The following USO1 variants were observed in gnomAD, a reference collection of about 807,000 sequenced individuals.
USO1 encodes the protein general vesicular transport factor p115.
USO1 carries 57 observed loss-of-function variants against 124.5 expected under a neutral mutation model. The observed-to-expected ratio is 0.46, with a 90% CI of 0.37 to 0.57. The LOEUF (loss-of-function observed/expected upper bound fraction) is 0.57. Among genes scored for constraint, USO1 ranks in the 20% least tolerant of loss-of-function variants. The pLI is 0.00. For missense variants in USO1, 900 were observed against 1,040.6 expected, an observed-to-expected ratio of 0.86 and a Z score of 1.86; for synonymous variants, 369 against 362.8, an observed-to-expected ratio of 1.02 and a Z score of -0.19.
chr4:75,744,892 G>A (rs1413644471), intron 1 of USO1: 6 of 505,994 alleles, frequency 1.2e-5, no homozygotes, highest in African/African-American at 7.8e-5. Flanking sequence ...TACTTGTGAT[G>A]GTACATGTGC....
At chr4:75,758,311 TAGATTTTTCATTATTCTGTAA>T (rs1363801735) in intron 4 of USO1, among the ~76,000 whole-genome samples, 1 of 152,228 alleles carries the variant, frequency 6.6e-6, no homozygotes, top group Non-Finnish European at 1.5e-5. Flanking sequence ...TAGGACGTAG[TAGATTTTTCATTATTCTGTAA>T]AGTCAGAACA....
intron 13 of USO1, chr4:75,795,241 G>A (rs1435180633): frequency 1.5e-6 from 1 of 687,716 alleles, no homozygotes; most frequent in African/African-American, 1.8e-5. Context: ...TGAGTTTGTA[G>A]AGAGACTATG....
intron 22 of USO1, among the ~76,000 whole-genome samples, chr4:75,811,139 TTTTC>T (rs973543955): frequency 1.1e-4 from 17 of 152,052 alleles, no homozygotes; most frequent in African/African-American, 3.1e-4. Context: ...AATATTTTTG[TTTTC>T]TTTCTTTCTT....
At chr4:75,776,621 G>A (rs2149171695) in intron 8 of USO1, among the ~76,000 whole-genome samples, 1 of 152,280 alleles carries the variant, frequency 6.6e-6, no homozygotes, top group African/African-American at 2.4e-5. Context: ...GTTCACTAAG[G>A]TGCATGCTGG....
intron 3 of USO1, among the ~76,000 whole-genome samples, chr4:75,755,898 C>T (rs924804700): frequency 2.0e-5 from 3 of 152,144 alleles, no homozygotes; most frequent in Non-Finnish European, 4.4e-5. Flanking sequence ...AGGCTGGGCA[C>T]GGTGGCTCAT....
chr4:75,734,888 C>G (rs1318090899), intron 1 of USO1, among the ~76,000 whole-genome samples: 1 of 151,726 alleles, frequency 6.6e-6, no homozygotes, highest in East Asian at 1.9e-4. Flanking sequence ...ACCACCACAC[C>G]CAGCCAATTT....
chr4:75,777,152 C>G (rs1246863255), intron 8 of USO1, among the ~76,000 whole-genome samples: 1 of 152,044 alleles, frequency 6.6e-6, no homozygotes, highest in Non-Finnish European at 1.5e-5. Flanking sequence ...TTAGTGACGT[C>G]CTTTCATTGA....
At chr4:75,760,866 G>T (rs937825652) in intron 4 of USO1, among the ~76,000 whole-genome samples, 3 of 152,082 alleles carry the variant, frequency 2.0e-5, no homozygotes, top group Non-Finnish European at 4.4e-5. Context: ...GGTTTTTCTG[G>T]CCAGGCGTGG....
chr4:75,811,904 A>G (rs547338254), intron 22 of USO1, among the ~76,000 whole-genome samples: 1 of 152,216 alleles, frequency 6.6e-6, no homozygotes, highest in South Asian at 2.1e-4. Context: ...AGTCTCTTAA[A>G]GGTTTTTTCA....
At chr4:75,729,348 AG>A (rs1395691846) in intron 1 of USO1, among the ~76,000 whole-genome samples, 2 of 149,720 alleles carry the variant, frequency 1.3e-5, no homozygotes, top group Non-Finnish European at 1.5e-5. Flanking sequence ...TTTTTTGGGT[AG>A]GGGGGTGGGG....
intron 17 of USO1, among the ~76,000 whole-genome samples, chr4:75,801,710 T>TTA (rs1722855677): frequency 6.6e-6 from 1 of 152,250 alleles, no homozygotes; most frequent in Non-Finnish European, 1.5e-5. Context: ...ACCTGTCTAC[T>TTA]AATTGTGCAC....
chr4:75,775,857 G>A (rs924207525), intron 8 of USO1, among the ~76,000 whole-genome samples: 4 of 152,140 alleles, frequency 2.6e-5, no homozygotes, highest in African/African-American at 9.7e-5. Flanking sequence ...CATTTGGTTG[G>A]TGGGCCAAGA....
rs1722819305 is a variant in USO1, at chr4:75,800,627, A to G, written c.1692A>G (p.Leu564=). The G allele has an allele frequency of 6.4e-7, 1 of 1,562,488 alleles. No individual in the cohort carries two copies. Among genetic ancestry groups the G allele is most frequent in the Admixed American group, 2.1e-5 (1 of 47,784 alleles). ...ATGCTTATCTCCGTAGAGAGAAGCTAAAACAACTGATTGAGAAGAGGATTG... is the reference window on the plus strand; with the variant it reads ...ATGCTTATCTCCGTAGAGAGAAGCTGAAACAACTGATTGAGAAGAGGATTG... ...NSLESYMKEK[L]KQLIEKRIGK... is the part of the protein sequence containing the mutation. Residue 564 remains leucine (L), a synonymous_variant, in exon 16 of 24, where the codon CTA becomes CTG. Transcript: ENST00000514213.
At position 75,812,375 on chromosome 4, in the gene USO1, A is replaced by G. The variant is rs1449841387; in HGVS notation, c.2799A>G (p.Pro933=). The change falls in exon 23 of 24, where the codon CCA becomes CCG. Residue 933 remains proline (P), a splice_region_variant and synonymous_variant. Transcript: ENST00000514213. The part of the protein sequence containing the change: ...LKNKLKDLGH[P]VEEEDELESG... ...ATAAACTCAAGGATCTTGGTCATCCAGTAAGATTAAAATGTCTCCAAAAAT... is the reference window on the plus strand; with the variant it reads ...ATAAACTCAAGGATCTTGGTCATCCGGTAAGATTAAAATGTCTCCAAAAAT... 6.4e-7 allele frequency: 1 copy of G among 1,573,698 alleles called. No homozygotes were observed. The highest frequency in any genetic ancestry group is 8.6e-7 in the Non-Finnish European group (1 of 1,160,344).
intron 1 of USO1, among the ~76,000 whole-genome samples, chr4:75,742,217 A>C (rs1441608946): frequency 6.6e-6 from 1 of 152,228 alleles, no homozygotes; most frequent in East Asian, 1.9e-4. Context: ...AGTATTATGT[A>C]CTGTACACAA....
chr4:75,747,014 G>T (rs1456379473), intron 1 of USO1, among the ~76,000 whole-genome samples: 1 of 152,142 alleles, frequency 6.6e-6, no homozygotes, highest in Non-Finnish European at 1.5e-5. Context: ...ATTCATAGGT[G>T]CCAGGTATTA....
chr4:75,761,373 G>C (rs959512057), intron 4 of USO1, among the ~76,000 whole-genome samples: 3 of 152,104 alleles, frequency 2.0e-5, no homozygotes, highest in African/African-American at 7.2e-5. Context: ...GATTGCACCT[G>C]TGAATACCCA....
At chr4:75,810,220 C>T (rs1250275427) in intron 21 of USO1, among the ~76,000 whole-genome samples, 4 of 152,214 alleles carry the variant, frequency 2.6e-5, no homozygotes, top group Non-Finnish European at 5.9e-5. Context: ...GCCCAGCCTT[C>T]CTCGTACTCT....
chr4:75,782,097 C>T (rs1018318081), intron 8 of USO1, among the ~76,000 whole-genome samples: 14 of 152,052 alleles, frequency 9.2e-5, no homozygotes, highest in Non-Finnish European at 1.8e-4. Context: ...ATCAAGAGAG[C>T]ATAATGTTTT....
Sources: gnomAD v4.1 joint callset for allele counts (sites outside exome capture counted in the v4.1 genomes callset) on GRCh38, gnomAD v4.1.1 for gene constraint, MANE v1.5 for transcripts, NCBI Gene and HGNC (gene_info 2026-07-23, HGNC 2026-07-21) for gene names.